Variants in PCSK2 observed in about 807,000 individuals in gnomAD.
PCSK2 encodes proprotein convertase subtilisin/kexin type 2.
In PCSK2, 14 loss-of-function variants were observed where a neutral mutation model predicts 69.7. That is an observed-to-expected ratio of 0.20 (90% confidence interval 0.13 to 0.31). The LOEUF is 0.31. PCSK2 is among the 10% of genes least tolerant of loss of function. PCSK2 has a pLI of 1.00. For synonymous variants in PCSK2, 307 were observed against 320.7 expected (o/e 0.96, Z 0.46); for missense variants, 544 against 842.5 (o/e 0.65, Z 4.39).
chr20:17,266,097 G>A (rs1987589421), intron 2 of PCSK2, among the ~76,000 whole-genome samples: 1 of 152,192 alleles, frequency 6.6e-6, no homozygotes, highest in Non-Finnish European at 1.5e-5. Flanking sequence ...GTTGCCTCCT[G>A]AGTTTATGTC....
chr20:17,424,782 C>T (rs777297590), intron 6 of PCSK2, among the ~76,000 whole-genome samples: 79 of 151,476 alleles, frequency 5.2e-4, no homozygotes, highest in Non-Finnish European at 9.9e-4. Flanking sequence ...TGAGCCACAG[C>T]GCCCAGCCTT....
intron 5 of PCSK2, among the ~76,000 whole-genome samples, chr20:17,392,954 A>G (rs149391741): frequency 2.1e-3 from 318 of 152,282 alleles, no homozygotes; most frequent in Non-Finnish European, 3.2e-3. Context: ...TGGTAAACCA[A>G]CTGCTCTTTA....
At chr20:17,324,823 G>A (rs1474030248) in intron 2 of PCSK2, among the ~76,000 whole-genome samples, 1 of 152,144 alleles carries the variant, frequency 6.6e-6, no homozygotes, top group East Asian at 1.9e-4. Flanking sequence ...TCTGCAGAAG[G>A]AAATGGGGAT....
intron 6 of PCSK2, among the ~76,000 whole-genome samples, chr20:17,425,876 T>G (rs187940060): frequency 6.6e-6 from 1 of 152,106 alleles, no homozygotes; most frequent in African/African-American, 2.4e-5. Flanking sequence ...ACAAATAGCA[T>G]TTACCCATCT....
chr20:17,246,449 G>C (rs1047848606), intron 1 of PCSK2, among the ~76,000 whole-genome samples: 4 of 152,144 alleles, frequency 2.6e-5, no homozygotes, highest in Non-Finnish European at 5.9e-5. Flanking sequence ...AGAAATTACA[G>C]TAATTACTCA....
intron 2 of PCSK2, among the ~76,000 whole-genome samples, chr20:17,303,481 TATATATTATATTTAATATAATATATATTA>T: frequency 2.0e-5 from 1 of 49,776 alleles, no homozygotes; most frequent in Middle Eastern, 0.01. Flanking sequence ...TTATATATAA[TATATATTATATTTAATATAATATATATTA>T]TATATAATAT....
intron 8 of PCSK2, among the ~76,000 whole-genome samples, chr20:17,445,625 G>A (rs2032683409): frequency 6.6e-6 from 1 of 152,234 alleles, no homozygotes; most frequent in South Asian, 2.1e-4. Flanking sequence ...AGGCATGGGC[G>A]AGGGGAGGCC....
chr20:17,314,892 G>T (rs546595607), intron 2 of PCSK2, among the ~76,000 whole-genome samples: 1 of 152,198 alleles, frequency 6.6e-6, no homozygotes, highest in East Asian at 1.9e-4. Flanking sequence ...TGTTATTTTT[G>T]TGTTAGCAAA....
At chr20:17,291,927 C>G (rs1315124267) in intron 2 of PCSK2, among the ~76,000 whole-genome samples, 1 of 152,130 alleles carries the variant, frequency 6.6e-6, no homozygotes, top group Non-Finnish European at 1.5e-5. Flanking sequence ...TGTCACATCC[C>G]TGTTCCAGAC....
chr20:17,466,776 C>A (rs183084273), intron 11 of PCSK2, among the ~76,000 whole-genome samples: 2 of 152,204 alleles, frequency 1.3e-5, no homozygotes, highest in Non-Finnish European at 2.9e-5. Context: ...ATGAGGCATT[C>A]CATCAACCCA....
chr20:17,373,006 G>A (rs540271392), intron 5 of PCSK2, among the ~76,000 whole-genome samples: 1 of 152,316 alleles, frequency 6.6e-6, no homozygotes, highest in East Asian at 1.9e-4. Context: ...CAGAGAATTA[G>A]CAGGCAGCTT....
chr20:17,427,581 G>A (rs1000426218), intron 6 of PCSK2, among the ~76,000 whole-genome samples: 16 of 152,144 alleles, frequency 1.1e-4, no homozygotes, highest in Non-Finnish European at 1.8e-4. Context: ...CCATGATAAC[G>A]CTGCATAACA....
intron 5 of PCSK2, among the ~76,000 whole-genome samples, chr20:17,376,422 C>G (rs1035311906): frequency 5.3e-5 from 8 of 152,232 alleles, no homozygotes; most frequent in Non-Finnish European, 8.8e-5. Flanking sequence ...TGCTAGACCC[C>G]CTTCTCCATC....
chr20:17,250,790 T>C (rs1032522223), intron 1 of PCSK2, among the ~76,000 whole-genome samples: 4 of 152,164 alleles, frequency 2.6e-5, no homozygotes, highest in African/African-American at 4.8e-5. Flanking sequence ...CCAAATTTTC[T>C]TTCTAGTGTT....
chr20:17,450,544 G>A (rs932260870), intron 8 of PCSK2, among the ~76,000 whole-genome samples: 1 of 152,136 alleles, frequency 6.6e-6, no homozygotes, highest in African/African-American at 2.4e-5. Flanking sequence ...GTTCTGTCTC[G>A]ATTTCTGCCT....
intron 1 of PCSK2, among the ~76,000 whole-genome samples, chr20:17,239,870 T>TG (rs1986497564): frequency 7.0e-6 from 1 of 142,980 alleles, no homozygotes; most frequent in Non-Finnish European, 1.5e-5. Flanking sequence ...TTTTTTTTTT[T>TG]GTGAGATGAA....
chr20:17,480,696 A>T (rs1299156057), intron 11 of PCSK2, among the ~76,000 whole-genome samples: 1 of 152,218 alleles, frequency 6.6e-6, no homozygotes, highest in Non-Finnish European at 1.5e-5. Flanking sequence ...ATGTAAAATA[A>T]GGAAGGGGAG....
intron 10 of PCSK2, among the ~76,000 whole-genome samples, chr20:17,462,784 T>A (rs373891139): frequency 1.3e-5 from 2 of 152,252 alleles, no homozygotes; most frequent in Non-Finnish European, 2.9e-5. Context: ...GGGAAGAACA[T>A]GTCACATTTC....
intron 1 of PCSK2, among the ~76,000 whole-genome samples, chr20:17,247,674 A>C (rs1986817718): frequency 6.6e-6 from 1 of 152,250 alleles, no homozygotes; most frequent in Non-Finnish European, 1.5e-5. Context: ...CCTGAGAACA[A>C]GCGAATGCAC....
Sources: gnomAD v4.1 joint callset for allele counts (sites outside exome capture counted in the v4.1 genomes callset) on GRCh38, gnomAD v4.1.1 for gene constraint, MANE v1.5 for transcripts, NCBI Gene and HGNC (gene_info 2026-07-23, HGNC 2026-07-21) for gene names.